The following TPST1 variants were observed in gnomAD, a reference collection of about 807,000 sequenced individuals.
The protein encoded by TPST1 is protein-tyrosine sulfotransferase 1.
TPST1 carries 20 observed loss-of-function variants against 34.8 expected under a neutral mutation model. That is an observed-to-expected ratio of 0.57 (90% CI 0.40 to 0.84). The LOEUF (loss-of-function observed/expected upper bound fraction) is 0.84, where lower values mean the gene tolerates loss of function less well. Ranked by LOEUF, TPST1 falls within the 40% of genes least tolerant of loss-of-function variation. The probability of loss-of-function intolerance (pLI) is 0.00; values close to 1 mark genes in which losing one functional copy is unlikely to be tolerated. For synonymous variants in TPST1, 152 were observed against 159.4 expected, an observed-to-expected ratio of 0.95 and a Z score of 0.35; for missense variants, 353 against 455.5, an observed-to-expected ratio of 0.78 and a Z score of 2.05.
intron 2 of TPST1, among the ~76,000 whole-genome samples, chr7:66,275,903 T>A (rs1790799336): frequency 6.6e-6 from 1 of 152,152 alleles, no homozygotes; most frequent in South Asian, 2.1e-4. Context: ...TGTGAGGTAA[T>A]GCACATGTTA....
At chr7:66,313,422 AT>A (rs1414414728) in intron 3 of TPST1, among the ~76,000 whole-genome samples, 76 of 152,312 alleles carry the variant, frequency 5.0e-4, no homozygotes, top group South Asian at 4.4e-3. Flanking sequence ...CTCAAAAAAA[AT>A]AAAATAATAA....
At chr7:66,199,116 G>A in the TPST1 span, among the ~76,000 whole-genome samples, 1 of 152,108 alleles carries the variant, frequency 6.6e-6, no homozygotes, top group African/African-American at 2.4e-5. Flanking sequence ...AGTGACCCAA[G>A]TGTCCTCCTG....
intron 3 of TPST1, among the ~76,000 whole-genome samples, chr7:66,322,272 T>A (rs978615298): frequency 2.6e-5 from 4 of 152,326 alleles, no homozygotes; most frequent in East Asian, 1.9e-4. Context: ...AAATACTCTC[T>A]TAAAGATTTA....
intron 5 of TPST1, 107 bp downstream of exon 5, chr7:66,356,978 G>A (rs1438964445): frequency 9.3e-7 from 1 of 1,076,868 alleles, no homozygotes; most frequent in African/African-American, 1.6e-5. Flanking sequence ...GTCTGCCAGG[G>A]TTGGAATCCT....
chr7:66,355,114 G>T (rs1792556954), intron 4 of TPST1, among the ~76,000 whole-genome samples: 1 of 152,166 alleles, frequency 6.6e-6, no homozygotes, highest in South Asian at 2.1e-4. Flanking sequence ...AATTGAGGAT[G>T]TTTATGTAAT....
chr7:66,216,109 C>T (rs1789404552), intron 1 of TPST1, among the ~76,000 whole-genome samples: 1 of 152,128 alleles, frequency 6.6e-6, no homozygotes, highest in African/African-American at 2.4e-5. Context: ...TACTCTTTCA[C>T]TTGCTTTGTT....
chr7:66,247,557 G>A (rs537574101), intron 2 of TPST1, among the ~76,000 whole-genome samples: 32 of 152,264 alleles, frequency 2.1e-4, no homozygotes, highest in Non-Finnish European at 4.4e-4. Flanking sequence ...CTCAAGCTTG[G>A]TATGACATTT....
At chr7:66,323,037 A>T (rs1791789232) in intron 3 of TPST1, among the ~76,000 whole-genome samples, 1 of 151,918 alleles carries the variant, frequency 6.6e-6, no homozygotes, top group Admixed American at 6.6e-5. Flanking sequence ...ATCTTTTCAT[A>T]TGCTTGTTGT....
chr7:66,246,125 C>T (rs575225932), intron 2 of TPST1, among the ~76,000 whole-genome samples: 1 of 150,354 alleles, frequency 6.7e-6, no homozygotes. Context: ...ATCTTCCCAC[C>T]TTAGCTTCCT....
chr7:66,234,058 A>G (rs1158727005), intron 1 of TPST1, among the ~76,000 whole-genome samples: 3 of 151,976 alleles, frequency 2.0e-5, no homozygotes. Context: ...GGGTTTCACC[A>G]TTTTGGCCAG....
chr7:66,239,805 T>A (rs1245565623), intron 1 of TPST1, among the ~76,000 whole-genome samples: 1 of 152,250 alleles, frequency 6.6e-6, no homozygotes, highest in Non-Finnish European at 1.5e-5. Flanking sequence ...TAAACATTGA[T>A]TTATTTTTAC....
chr7:66,261,673 C>A (rs929376859), intron 2 of TPST1, among the ~76,000 whole-genome samples: 2 of 151,818 alleles, frequency 1.3e-5, no homozygotes, highest in Non-Finnish European at 2.9e-5. Context: ...TGTATTTTTC[C>A]ATAAAATATA....
intron 3 of TPST1, among the ~76,000 whole-genome samples, chr7:66,312,366 C>G (rs568052187): frequency 6.6e-6 from 1 of 152,258 alleles, no homozygotes; most frequent in East Asian, 1.9e-4. Context: ...CTATTCTGAA[C>G]ATTCAGAATG....
chr7:66,298,950 C>T (rs1300535955), intron 3 of TPST1, among the ~76,000 whole-genome samples: 1 of 151,830 alleles, frequency 6.6e-6, no homozygotes, highest in African/African-American at 2.4e-5. Flanking sequence ...GGTGAAACCC[C>T]CGTCTCTACT....
chr7:66,266,902 G>T (rs763288922), intron 2 of TPST1, among the ~76,000 whole-genome samples: 4 of 152,280 alleles, frequency 2.6e-5, no homozygotes, highest in Admixed American at 1.3e-4. Flanking sequence ...AAAAGAGACT[G>T]TTGAGGGGCT....
At chr7:66,353,264 ACAC>A (rs775103802) in intron 4 of TPST1, among the ~76,000 whole-genome samples, 3 of 152,102 alleles carry the variant, frequency 2.0e-5, no homozygotes, top group Non-Finnish European at 4.4e-5. Flanking sequence ...AGCCAAGATT[ACAC>A]CACTGCACTA....
intron 2 of TPST1, among the ~76,000 whole-genome samples, chr7:66,280,363 A>G (rs1024556522): frequency 4.6e-5 from 7 of 152,136 alleles, no homozygotes; most frequent in African/African-American, 1.7e-4. Flanking sequence ...TCTGACACAC[A>G]TGGTTCAAGT....
chr7:66,221,982 T>A lies in TPST1; in HGVS notation c.-102+16460T>A, dbSNP rs540198056. 3.3e-5 allele frequency among the ~76,000 whole-genome samples: 5 copies of A among 152,338 alleles called. No individual in the cohort carries two copies. The South Asian group carries it at 8.3e-4, about 25-fold the overall frequency. On this transcript the variant is annotated intron_variant, in intron 1 of 5. Transcript: ENST00000304842. ...CTTTCTGTTTATTCATAGTTCCTTG[T>A]TTCATTTTCGATGTTTATTTGTTGA... is the stretch of plus-strand genomic sequence containing the variant.
intron 3 of TPST1, among the ~76,000 whole-genome samples, chr7:66,308,964 T>A (rs1420595101): frequency 6.6e-6 from 1 of 152,248 alleles, no homozygotes; most frequent in African/African-American, 2.4e-5. Context: ...AATGGCACTG[T>A]CTCAGCTCAT....
Sources: allele counts gnomAD v4.1 joint callset (sites outside exome capture counted in the v4.1 genomes callset), GRCh38; gene constraint gnomAD v4.1.1; transcripts MANE v1.5; gene names NCBI Gene and HGNC (gene_info 2026-07-23, HGNC 2026-07-21).